The following C6orf89 variants were observed in gnomAD, a reference collection of about 807,000 sequenced individuals.
The protein encoded by C6orf89 is bombesin receptor-activated protein C6orf89.
A neutral mutation model predicts 40.7 loss-of-function variants in C6orf89; 29 were observed. That is an observed-to-expected ratio of 0.71 (90% CI 0.53 to 0.97). The LOEUF (loss-of-function observed/expected upper bound fraction) is 0.97. C6orf89 is among the 50% of genes least tolerant of loss of function. The pLI is 0.00. For missense variants in C6orf89, 392 were observed against 429.1 expected, an observed-to-expected ratio of 0.91 and a Z score of 0.76; for synonymous variants, 165 against 152.2, an observed-to-expected ratio of 1.08 and a Z score of -0.62.
At chr6:36,899,662 T>A (rs1362447571) in intron 3 of C6orf89, 29 bp downstream of exon 3, 1 of 1,596,220 alleles carries the variant, frequency 6.3e-7, no homozygotes, top group Non-Finnish European at 8.6e-7. Context: ...TGGTAATTGC[T>A]TCAACAGAAC....
intron 4 of C6orf89, among the ~76,000 whole-genome samples, chr6:36,913,547 AG>A (rs1268375219): frequency 6.6e-6 from 1 of 152,188 alleles, no homozygotes; most frequent in African/African-American, 2.4e-5. Context: ...CAGCGATAAT[AG>A]GGGTCACCCT....
At chr6:36,891,014 C>CT (rs1345358341) in intron 1 of C6orf89, among the ~76,000 whole-genome samples, 1 of 151,726 alleles carries the variant, frequency 6.6e-6, no homozygotes, top group Non-Finnish European at 1.5e-5. Flanking sequence ...TATTATTATA[C>CT]TTTAAGTTTT....
chr6:36,901,274 G>A (rs889436644), intron 3 of C6orf89, among the ~76,000 whole-genome samples: 4 of 146,878 alleles, frequency 2.7e-5, no homozygotes, highest in Non-Finnish European at 6.0e-5. Flanking sequence ...GAGCCACTGC[G>A]CCCGGCCCCT....
intron 7 of C6orf89, among the ~76,000 whole-genome samples, chr6:36,918,187 G>A (rs1289306153): frequency 1.3e-5 from 2 of 152,212 alleles, no homozygotes; most frequent in Non-Finnish European, 2.9e-5. Flanking sequence ...CACTCGGGGA[G>A]AAGGTGAGGG....
intron 7 of C6orf89, 47 bp downstream of exon 7, chr6:36,916,621 G>A (rs1762333111): frequency 1.2e-6 from 2 of 1,611,086 alleles, no homozygotes; most frequent in Non-Finnish European, 1.7e-6. Flanking sequence ...CTTTATTTGG[G>A]ACCTGGACTG....
intron 1 of C6orf89, among the ~76,000 whole-genome samples, chr6:36,891,380 A>C (rs1398786163): frequency 6.6e-6 from 1 of 152,060 alleles, no homozygotes; most frequent in Non-Finnish European, 1.5e-5. Context: ...CATTTTCTTA[A>C]TCCAGTCTAT....
chr6:36,876,724 CAAAAAAAAA>C (rs71540176), intron 1 of C6orf89, among the ~76,000 whole-genome samples: 1 of 92,190 alleles, frequency 1.1e-5, no homozygotes, highest in Admixed American at 1.1e-4. Context: ...AACTCCATCT[CAAAAAAAAA>C]AAAAAAAAGA....
intron 7 of C6orf89, among the ~76,000 whole-genome samples, chr6:36,918,880 G>A (rs1027019107): frequency 6.6e-6 from 1 of 152,232 alleles, no homozygotes; most frequent in South Asian, 2.1e-4. Flanking sequence ...CCTCAGAGGG[G>A]CAGTAGTTAC....
chr6:36,912,462 T>A (rs190767328), intron 4 of C6orf89, among the ~76,000 whole-genome samples: 1 of 152,230 alleles, frequency 6.6e-6, no homozygotes. Context: ...TGCCCCATGG[T>A]GTGTCCATTA....
chr6:36,907,476 G>T (rs1372632334), intron 4 of C6orf89, among the ~76,000 whole-genome samples: 1 of 152,080 alleles, frequency 6.6e-6, no homozygotes, highest in Non-Finnish European at 1.5e-5. Context: ...CCATTTTTCT[G>T]CCCAGTGCCC....
chr6:36,904,278 T>C (rs541284238), intron 4 of C6orf89, among the ~76,000 whole-genome samples: 4 of 152,270 alleles, frequency 2.6e-5, no homozygotes, highest in Non-Finnish European at 5.9e-5. Flanking sequence ...GAAACATTAG[T>C]GTCTTGTAAA....
At chr6:36,873,452 T>C (rs1224432051) in intron 1 of C6orf89, among the ~76,000 whole-genome samples, 3 of 152,234 alleles carry the variant, frequency 2.0e-5, no homozygotes, top group Non-Finnish European at 4.4e-5. Flanking sequence ...ATGATCCCAT[T>C]TTTTTGTTAA....
chr6:36,893,606 C>G (rs1271133025), intron 1 of C6orf89, among the ~76,000 whole-genome samples: 1 of 152,098 alleles, frequency 6.6e-6, no homozygotes. Flanking sequence ...GTGATACAAA[C>G]TGGGAGTTTA....
At chr6:36,905,394 C>T (rs952348525) in intron 4 of C6orf89, among the ~76,000 whole-genome samples, 2 of 152,240 alleles carry the variant, frequency 1.3e-5, no homozygotes, top group African/African-American at 4.8e-5. Flanking sequence ...AGTTCTACCA[C>T]TGTCTCTCTC....
chr6:36,912,608 C>T (rs1366999872), intron 4 of C6orf89, among the ~76,000 whole-genome samples: 1 of 152,198 alleles, frequency 6.6e-6, no homozygotes, highest in Non-Finnish European at 1.5e-5. Context: ...AAAGGGTTTT[C>T]AGCTACCCCC....
intron 2 of C6orf89, 127 bp from the exon 3 acceptor site, chr6:36,899,299 G>T: frequency 1.5e-6 from 1 of 686,474 alleles, no homozygotes; most frequent in Non-Finnish European, 2.5e-6. Context: ...TGAAAGTATT[G>T]GTCTGTAGAG....
intron 4 of C6orf89, among the ~76,000 whole-genome samples, chr6:36,912,308 C>G (rs1762156057): frequency 6.6e-6 from 1 of 152,184 alleles, no homozygotes; most frequent in Admixed American, 6.5e-5. Context: ...AGTAATTACA[C>G]AGTGAAAATT....
At chr6:36,920,312 T>G (rs1239494100) in intron 8 of C6orf89, among the ~76,000 whole-genome samples, 1 of 152,162 alleles carries the variant, frequency 6.6e-6, no homozygotes, top group South Asian at 2.1e-4. Flanking sequence ...ATATCCTAAT[T>G]AAAAATCTGT....
At chr6:36,907,106 T>A (rs1214270148) in intron 4 of C6orf89, among the ~76,000 whole-genome samples, 3 of 152,068 alleles carry the variant, frequency 2.0e-5, no homozygotes, top group Admixed American at 6.6e-5. Context: ...ATTCACTCAT[T>A]CAGTAAATGT....
Sources: gnomAD v4.1 joint callset for allele counts (sites outside exome capture counted in the v4.1 genomes callset) on GRCh38, gnomAD v4.1.1 for gene constraint, MANE v1.5 for transcripts, NCBI Gene and HGNC (gene_info 2026-07-23, HGNC 2026-07-21) for gene names.